Variants in ZZEF1 observed in about 807,000 individuals in gnomAD.
ZZEF1 encodes the protein zinc finger ZZ-type and EF-hand domain-containing protein 1.
A neutral mutation model predicts 342.8 loss-of-function variants in ZZEF1; 157 were observed. The ratio of observed to expected loss-of-function variants is 0.46; its 90% CI spans 0.40 to 0.52. ZZEF1 has a LOEUF of 0.52. Among genes scored for constraint, ZZEF1 ranks in the 20% least tolerant of loss-of-function variants. The pLI is 0.00. For synonymous variants in ZZEF1, 1,505 were observed against 1,429.1 expected (o/e 1.05, Z -1.20); for missense variants, 3,480 against 3,725.6 (o/e 0.93, Z 1.72).
intron 34 of ZZEF1, among the ~76,000 whole-genome samples, chr17:4,053,248 C>G (rs964721174): frequency 5.9e-5 from 9 of 152,200 alleles, no homozygotes; most frequent in African/African-American, 1.4e-4. Context: ...TGGGGTCCCA[C>G]AGTCGGGGGC....
rs1317013926 is a variant in ZZEF1 at position 4,052,109 on chromosome 17, T to C, written c.5462A>G (p.Asp1821Gly). The change falls in exon 35 of 55, where the codon GAC becomes GGC. Residue 1821 changes from aspartate (D) to glycine (G), a missense_variant. Transcript: ENST00000381638. ...LGGVKPEGHG[D>G]DHEMVNMEFT... ...CTCCATGTTGACCATTTCATGGTCGTCTCCGTGGCCCTCAGGCTTCACCCC... is the reference window on the plus strand; with the variant it reads ...CTCCATGTTGACCATTTCATGGTCGCCTCCGTGGCCCTCAGGCTTCACCCC... 2 of 1,613,870 alleles carry C rather than the reference T, an allele frequency of 1.2e-6. No homozygotes were observed. The highest frequency in any genetic ancestry group is 1.7e-6 in the Non-Finnish European group (2 of 1,179,880).
At position 4,017,880 on chromosome 17, in the gene ZZEF1, T is replaced by G. The variant is rs761638414; in HGVS notation, c.7597A>C (p.Ser2533Arg). The change falls in exon 47 of 55, where the codon AGC (serine) becomes CGC (arginine). Residue 2533 changes from serine (S) to arginine (R), a missense_variant. Physicochemically the swap from Ser to Arg is moderately radical, Grantham distance 110. This residue lies in a region of ZZEF1 where 1,269 missense variants were observed against 1,342.4 expected (regional missense o/e 0.95). Transcript: ENST00000381638. The surrounding 1 kb of genome is among the most constrained non-coding windows in gnomAD (Gnocchi z 5.1). The stretch of plus-strand genomic sequence containing the variant: ...ATGTCTGTATCCACAGCTTTGGCGC[T>G]CTGTTCTTCCAGCCTCAGACTCTTA... Reference protein sequence around the residue: ...PSKSLRLEEQSAKAVDTDMII... With the variant: ...PSKSLRLEEQRAKAVDTDMII... The G allele has an allele frequency of 4.3e-6, 7 of 1,614,152 alleles. No individual in the cohort carries two copies. The South Asian group carries it at 7.7e-5, about 18-fold the overall frequency.
At chr17:4,077,760 A>G in intron 19 of ZZEF1, 123 bp downstream of exon 19, 3 of 1,068,972 alleles carry the variant, frequency 2.8e-6, no homozygotes, top group Non-Finnish European at 4.0e-6. Context: ...AACCAGTCCA[A>G]GAATCTGAAT....
At position 4,087,783 on chromosome 17, in the gene ZZEF1, AACACAC is replaced by A. The variant is rs10522603; in HGVS notation, c.2242-255_2242-250del. On this transcript the variant is annotated intron_variant, in intron 13 of 54. Coordinates refer to ENST00000381638, the MANE Select transcript of ZZEF1 (RefSeq NM_015113.4). ...TAAGTGTATATAGATATATACACAC[AACACAC>A]ACACACACACACACACACACACACA... Among the ~76,000 whole-genome samples, 342 of 146,076 alleles carry A rather than the reference AACACAC, an allele frequency of 2.3e-3. 1 individual carries two copies. Among genetic ancestry groups the A allele is most frequent in the African/African-American group, 4.9e-3 (189 of 38,234 alleles).
chr17:4,017,739 C>G lies in ZZEF1; in HGVS notation c.7642-9G>C, dbSNP rs371645161. The G allele has an allele frequency of 2.7e-5, 44 of 1,611,120 alleles. No individual in the cohort carries two copies. In the African/African-American group the frequency reaches 3.5e-4, roughly 13 times the overall value. ...CAGCGTGCAGGCCGGGACTGCAAACCCAAGACCACCATTACAGAGGTCTAG... is the reference window on the plus strand; with the variant it reads ...CAGCGTGCAGGCCGGGACTGCAAACGCAAGACCACCATTACAGAGGTCTAG... On this transcript the variant is annotated splice_polypyrimidine_tract_variant and intron_variant, in intron 47 of 54. Coordinates refer to ENST00000381638, the MANE Select transcript of ZZEF1 (RefSeq NM_015113.4). This position sits in a 1 kb window ranked among gnomAD's most constrained non-coding sequence, Gnocchi z 5.1.
At chr17:4,095,225 C>T (rs575013753) in intron 11 of ZZEF1, among the ~76,000 whole-genome samples, 1 of 152,284 alleles carries the variant, frequency 6.6e-6, no homozygotes, top group African/African-American at 2.4e-5. Context: ...CGATCAACTC[C>T]AACTCATCCT....
chr17:4,024,824 C>G (rs1048806146), intron 43 of ZZEF1, 95 bp downstream of exon 43: 2 of 1,183,544 alleles, frequency 1.7e-6, no homozygotes, highest in African/African-American at 3.0e-5. Context: ...GGTTTACCAT[C>G]CATCGAAATC....
chr17:4,006,348 C>T lies in ZZEF1; in HGVS notation c.*542G>A, dbSNP rs780580067. 4.0e-5 allele frequency: 7 copies of T among 175,056 alleles called. No individual in the cohort carries two copies. The highest frequency in any genetic ancestry group is 1.1e-4 in the Admixed American group (2 of 18,292). 10.8% of individuals were successfully genotyped at this position (175,056 alleles called of 1,614,324 possible). A position where few individuals can be genotyped will look rare whatever the true frequency, so the allele number is the denominator to read the frequency against. ...GGTGCGGCCGTGCAGGGAGCTAGCT[C>T]GATGCCTGGTTCTGTACTGGATGCT... On this transcript the variant is annotated 3_prime_UTR_variant, in exon 55 of 55. Transcript: ENST00000381638.
intron 3 of ZZEF1, among the ~76,000 whole-genome samples, chr17:4,114,942 T>G (rs1251430889): frequency 2.6e-5 from 4 of 152,352 alleles, no homozygotes; most frequent in Non-Finnish European, 5.9e-5. Context: ...TCATACATTT[T>G]CTATACATGA....
intron 1 of ZZEF1, 41 bp from the exon 2 acceptor site, chr17:4,124,092 G>C (rs955674228): frequency 1.3e-6 from 2 of 1,550,502 alleles, no homozygotes; most frequent in African/African-American, 1.4e-5. Context: ...GCTGTTTCAA[G>C]TAAACGAGGG....
chr17:4,054,033 G>T (rs1051498868), intron 34 of ZZEF1, 24 bp downstream of exon 34: 6 of 1,604,090 alleles, frequency 3.7e-6, no homozygotes, highest in East Asian at 2.2e-5. Context: ...TTTGGATACG[G>T]CGTACCCAGT....
rs1042756488 is a variant in ZZEF1 at position 4,131,732 on chromosome 17, T to C, written c.355-7681A>G. On this transcript the variant is annotated intron_variant, in intron 1 of 54. Transcript: ENST00000381638. ...GGGGTCGAGGTGCAGTGAGCCAAGA[T>C]TGCACCACTGTACTCCAGCCTGGGT... is the stretch of plus-strand genomic sequence containing the variant. Among the ~76,000 whole-genome samples, 7 of 152,074 alleles carry C rather than the reference T, an allele frequency of 4.6e-5. No homozygotes were observed. The East Asian group carries it at 5.8e-4, about 13-fold the overall frequency.
intron 1 of ZZEF1, among the ~76,000 whole-genome samples, chr17:4,134,125 G>A (rs2058711208): frequency 6.6e-6 from 1 of 151,824 alleles, no homozygotes; most frequent in Non-Finnish European, 1.5e-5. Context: ...CCACAGCTTT[G>A]TGAACAGCTT....
In ZZEF1 at chr17:4,042,311, C is replaced by G. The variant is rs1233644490; in HGVS notation, c.6306+118G>C. On this transcript the variant is annotated intron_variant, in intron 39 of 54. Coordinates refer to ENST00000381638, the MANE Select transcript of ZZEF1 (RefSeq NM_015113.4). ...GGTCAGAAGAAAATAATTATAACTT[C>G]TAATCCTACCCTTAAGGCTACAGAG... 4 of 1,135,274 alleles carry G rather than the reference C, an allele frequency of 3.5e-6. No homozygotes were observed. The African/African-American group carries it at 6.3e-5, about 18-fold the overall frequency. 70.3% of individuals were successfully genotyped at this position (1,135,274 alleles called of 1,614,324 possible). A position where few individuals can be genotyped will look rare whatever the true frequency, so the allele number is the denominator to read the frequency against.
chr17:4,059,088 T>G, intron 31 of ZZEF1, 83 bp downstream of exon 31: 1 of 1,227,458 alleles, frequency 8.1e-7, no homozygotes, highest in East Asian at 2.8e-5. Flanking sequence ...CTTTTTGGTA[T>G]TTTTGACAGT....
chr17:4,067,152 G>A lies in ZZEF1; in HGVS notation c.4155+11C>T, dbSNP rs2057416351. 4 of 1,609,224 alleles carry A rather than the reference G, an allele frequency of 2.5e-6. No individual in the cohort carries two copies. Among genetic ancestry groups the A allele is most frequent in the Middle Eastern group, 3.3e-4 (2 of 6,050 alleles). On this transcript the variant is annotated intron_variant, in intron 27 of 54. Coordinates refer to ENST00000381638, the MANE Select transcript of ZZEF1 (RefSeq NM_015113.4). ...AAAATATAGCAAAATCACATGCAAAGAAAATCTTACCATCCATATTCGAAT... is the reference window on the plus strand; with the variant it reads ...AAAATATAGCAAAATCACATGCAAAAAAAATCTTACCATCCATATTCGAAT...
Position 4,086,605 on chromosome 17 carries a change from TG to T in ZZEF1, c.2392del (p.Gln798ArgfsTer28). 1.2e-6 allele frequency: 2 copies of T among 1,613,798 alleles called. No individual in the cohort carries two copies. Among genetic ancestry groups the T allele is most frequent in the Non-Finnish European group, 1.7e-6 (2 of 1,179,700 alleles). On this transcript the variant is annotated frameshift_variant, in exon 15 of 55. Coordinates refer to ENST00000381638, the MANE Select transcript of ZZEF1 (RefSeq NM_015113.4). LOFTEE classifies it high-confidence loss of function. ...TCCCTGCAGCACAGAGAAGCAGCTC[TG>T]GAGTAGCTGCAGAAGCAGGGTTTGG... ...SAQTLLLQLL[Q>X]SCFSVLQGDV...
chr17:4,015,803 T>C (rs1246506581), intron 49 of ZZEF1, among the ~76,000 whole-genome samples: 1 of 152,190 alleles, frequency 6.6e-6, no homozygotes, highest in East Asian at 1.9e-4. Flanking sequence ...CTTAAGTCAA[T>C]GAGAATAACG....
chr17:4,050,253 G>A (rs1274113889), intron 36 of ZZEF1, among the ~76,000 whole-genome samples: 1 of 152,174 alleles, frequency 6.6e-6, no homozygotes, highest in East Asian at 1.9e-4. Flanking sequence ...TCTCATACAG[G>A]CCTGGTTCCC....
Sources: gnomAD v4.1 joint callset for allele counts (sites outside exome capture counted in the v4.1 genomes callset) on GRCh38, gnomAD v4.1.1 for gene constraint, gnomAD v4.1.1 regional missense constraint, Gnocchi (gnomAD v3.1) non-coding constraint, MANE v1.5 for transcripts, NCBI Gene and HGNC (gene_info 2026-07-23, HGNC 2026-07-21) for gene names.